SPTBN1: variants seen among roughly 807,000 people sequenced by gnomAD.
SPTBN1 encodes the protein spectrin beta, non-erythrocytic 1, also known as spectrin beta chain, non-erythrocytic 1.
Under a neutral mutation model 266.4 loss-of-function variants are expected in SPTBN1, and 32 were observed. That is an observed-to-expected ratio of 0.12 (90% CI 0.09 to 0.16). The LOEUF (loss-of-function observed/expected upper bound fraction) is 0.16. Ranked by LOEUF, SPTBN1 falls within the 10% of genes least tolerant of loss-of-function variation. SPTBN1 has a pLI of 1.00. For synonymous variants in SPTBN1, 1,336 were observed against 1,162.2 expected (o/e 1.15, Z -3.04); for missense variants, 2,296 against 3,067.1 (o/e 0.75, Z 5.94).
At chr2:54,556,672 GGTGTGT>G (rs370878173) in intron 2 of SPTBN1, among the ~76,000 whole-genome samples, 1 of 151,474 alleles carries the variant, frequency 6.6e-6, no homozygotes, top group Non-Finnish European at 1.5e-5. Flanking sequence ...GTCTTGATGT[GGTGTGT>G]GTGTGTGTGT....
At chr2:54,500,477 T>G (rs1453348676) in intron 1 of SPTBN1, among the ~76,000 whole-genome samples, 2 of 152,142 alleles carry the variant, frequency 1.3e-5, no homozygotes, top group Non-Finnish European at 1.5e-5. Context: ...GTTTCTAAAG[T>G]TTTTTGTTTA....
rs748146262 is a variant in SPTBN1 at position 54,624,947 on chromosome 2, G to A, written c.1326G>A (p.Gln442=). Residue 442 remains glutamine, a synonymous_variant, in exon 11 of 36, where the codon CAG becomes CAA. Transcript: ENST00000356805. ...AMRETWLSEN[Q]RLVSQDNFGF... The stretch of plus-strand genomic sequence containing the variant: ...GGGAGACTTGGCTGAGCGAAAACCA[G>A]CGTCTGGTGTCTCAGGTTCTGCTCT... 1.2e-6 allele frequency: 2 copies of A among 1,605,486 alleles called. No individual in the cohort carries two copies. Among genetic ancestry groups the A allele is most frequent in the Non-Finnish European group, 1.7e-6 (2 of 1,176,132 alleles).
intron 1 of SPTBN1, among the ~76,000 whole-genome samples, chr2:54,478,965 A>G (rs1383403743): frequency 2.0e-5 from 3 of 152,170 alleles, no homozygotes; most frequent in Admixed American, 1.3e-4. Context: ...CCCATTGTGT[A>G]TGGAACTAAA....
intron 1 of SPTBN1, among the ~76,000 whole-genome samples, chr2:54,500,785 G>T (rs978393224): frequency 1.3e-5 from 2 of 152,188 alleles, no homozygotes; most frequent in Non-Finnish European, 2.9e-5. Flanking sequence ...GGATCTGCCT[G>T]CCTTGGCTTC....
chr2:54,623,675 A>T (rs1217192478), intron 10 of SPTBN1, 79 bp downstream of exon 10: 2 of 1,159,718 alleles, frequency 1.7e-6, no homozygotes, highest in African/African-American at 1.6e-5. Flanking sequence ...GACTGCTAAG[A>T]GGACAAGAGA....
Position 54,629,160 on chromosome 2 carries a change from C to T in SPTBN1, c.2026C>T (p.Leu676=), listed in dbSNP as rs553872593. 4.2e-5 allele frequency: 67 copies of T among 1,613,610 alleles called. No individual in the cohort carries two copies. The East Asian group carries it at 1.4e-3, about 34-fold the overall frequency. The change falls in exon 14 of 36, where the codon CTG becomes TTG. Residue 676 remains leucine (L), a synonymous_variant. Coordinates refer to ENST00000356805, the MANE Select transcript of SPTBN1 (RefSeq NM_003128.3). ...YGKDLTSVMR[L]LSKHRAFEDE... ...GAAAGACCTGACCAGCGTCATGCGC[C>T]TGCTCAGCAAGCACCGGGCGTTCGA... is the stretch of plus-strand genomic sequence containing the variant.
In SPTBN1 at chr2:54,655,316, A is replaced by G. The variant is rs1680578419; in HGVS notation, c.5961+108A>G. The G allele has an allele frequency of 2.2e-6, 3 of 1,385,250 alleles. No homozygotes were observed. The Admixed American group carries it at 6.8e-5, about 31-fold the overall frequency. The allele number at this position is 1,385,250 out of a possible 1,614,324, so 85.8% of individuals were successfully genotyped here. A position where few individuals can be genotyped will look rare whatever the true frequency, so the allele number is the denominator to read the frequency against. Reference sequence around the variant, plus strand: ...ATACTGTGTTTACATTCTTATACACACACACATATGTTTTAAAACTCCTTT... The same window carrying G: ...ATACTGTGTTTACATTCTTATACACGCACACATATGTTTTAAAACTCCTTT... On this transcript the variant is annotated intron_variant, in intron 28 of 35. Coordinates refer to ENST00000356805, the MANE Select transcript of SPTBN1 (RefSeq NM_003128.3).
chr2:54,547,955 A>G lies in SPTBN1; in HGVS notation c.148+21389A>G, dbSNP rs1309756361. On this transcript the variant is annotated intron_variant, in intron 2 of 35. Coordinates refer to ENST00000356805, the MANE Select transcript of SPTBN1 (RefSeq NM_003128.3). Reference sequence around the variant, plus strand: ...TCAGGAGATCGAGACCATCCTGGCTAACACGGTGAAACCCCGTCTCTACTA... The same window carrying G: ...TCAGGAGATCGAGACCATCCTGGCTGACACGGTGAAACCCCGTCTCTACTA... Among the ~76,000 whole-genome samples, 4 of 152,092 alleles carry G rather than the reference A, an allele frequency of 2.6e-5. No individual in the cohort carries two copies. In the East Asian group the frequency reaches 5.8e-4, roughly 22 times the overall value.
Position 54,475,090 on chromosome 2 carries a change from C to G in SPTBN1, c.-48+18572C>G, listed in dbSNP as rs368932798. Among the ~76,000 whole-genome samples the G allele has an allele frequency of 5.3e-5, 8 of 152,186 alleles. No individual in the cohort carries two copies. In the East Asian group the frequency reaches 1.4e-3, roughly 26 times the overall value. ...GCGTGGTGGCACATGCCTATAATCC[C>G]AGCTACTCAGGAGGCCGAGTCAGGA... On this transcript the variant is annotated intron_variant, in intron 1 of 35. Coordinates refer to ENST00000356805, the MANE Select transcript of SPTBN1 (RefSeq NM_003128.3).
At chr2:54,531,004 G>T (rs550529038) in intron 2 of SPTBN1, among the ~76,000 whole-genome samples, 1 of 152,324 alleles carries the variant, frequency 6.6e-6, no homozygotes, top group South Asian at 2.1e-4. Context: ...GGGAGTTGGT[G>T]TAGGTAGGGT....
intron 1 of SPTBN1, among the ~76,000 whole-genome samples, chr2:54,477,290 T>G (rs879282018): frequency 6.6e-6 from 1 of 152,206 alleles, no homozygotes; most frequent in Non-Finnish European, 1.5e-5. Flanking sequence ...TAATAAACTT[T>G]AGGTAAGAAG....
intron 2 of SPTBN1, among the ~76,000 whole-genome samples, chr2:54,575,218 A>G (rs1290369689): frequency 3.3e-5 from 5 of 152,216 alleles, no homozygotes; most frequent in Admixed American, 2.6e-4. Context: ...AGATTCAGCC[A>G]CATTCACAGG....
chr2:54,561,356 A>G (rs1301223408), intron 2 of SPTBN1, among the ~76,000 whole-genome samples: 1 of 152,062 alleles, frequency 6.6e-6, no homozygotes, highest in Non-Finnish European at 1.5e-5. Context: ...CTGGTGTTGA[A>G]CTCCTGGCCT....
chr2:54,659,288 G>A (rs773293717), intron 31 of SPTBN1, 22 bp downstream of exon 31: 1 of 1,610,008 alleles, frequency 6.2e-7, no homozygotes, highest in East Asian at 2.2e-5. Context: ...CAGCTCCAGA[G>A]GCTGGACCCT....
At chr2:54,482,048 A>G (rs991652714) in intron 1 of SPTBN1, among the ~76,000 whole-genome samples, 2 of 152,168 alleles carry the variant, frequency 1.3e-5, no homozygotes, top group Admixed American at 1.3e-4. Context: ...ATAGTACCAC[A>G]GGATTGCATG....
intron 34 of SPTBN1, among the ~76,000 whole-genome samples, chr2:54,666,663 A>G (rs1681388871): frequency 6.6e-6 from 1 of 152,228 alleles, no homozygotes; most frequent in Non-Finnish European, 1.5e-5. Flanking sequence ...AGTGGAGCTA[A>G]GCTCAGAATT....
At chr2:54,525,368 C>G (rs1203029488) in intron 1 of SPTBN1, among the ~76,000 whole-genome samples, 1 of 152,128 alleles carries the variant, frequency 6.6e-6, no homozygotes, top group Non-Finnish European at 1.5e-5. Context: ...GCCTTGGCCT[C>G]CCAAGTAGCT....
In SPTBN1 at chr2:54,581,577, CT is replaced by C. The variant is rs70944181; in HGVS notation, c.149-17492del. Among the ~76,000 whole-genome samples, 544 of 102,648 alleles carry C rather than the reference CT, an allele frequency of 5.3e-3. 6 individuals carry two copies. The highest frequency in any genetic ancestry group is 0.027 in the East Asian group (101 of 3,772). The allele number at this position is 102,648 out of a possible 152,430, so 67.3% of individuals were successfully genotyped here. Reference sequence around the variant, plus strand: ...GCCTTCATGCTTTGGTTTCTTTGCCCTTTTTTTTTTTTTTTTTTTTTTTGAA... The same window carrying C: ...GCCTTCATGCTTTGGTTTCTTTGCCCTTTTTTTTTTTTTTTTTTTTTTGAA... On this transcript the variant is annotated intron_variant, in intron 2 of 35. Coordinates refer to ENST00000356805, the MANE Select transcript of SPTBN1 (RefSeq NM_003128.3).
intron 5 of SPTBN1, among the ~76,000 whole-genome samples, chr2:54,617,292 C>T (rs1432081142): frequency 2.6e-5 from 4 of 152,198 alleles, no homozygotes; most frequent in African/African-American, 9.7e-5. Context: ...CCAATGGAAG[C>T]AGAGGCCTCA....
Sources: allele counts gnomAD v4.1 joint callset (sites outside exome capture counted in the v4.1 genomes callset), GRCh38; gene constraint gnomAD v4.1.1; transcripts MANE v1.5; gene names NCBI Gene and HGNC (gene_info 2026-07-23, HGNC 2026-07-21).